PAK3: variants seen among roughly 807,000 people sequenced by gnomAD.
PAK3 encodes the protein serine/threonine-protein kinase PAK 3.
A neutral mutation model predicts 41.0 loss-of-function variants in PAK3; 4 were observed. That is an observed-to-expected ratio of 0.10 (90% CI 0.05 to 0.22). PAK3 has a LOEUF of 0.22. Among genes scored for constraint, PAK3 ranks in the 10% least tolerant of loss-of-function variants. The pLI is 1.00. For missense variants in PAK3, 205 were observed against 409.9 expected (o/e 0.50, Z 4.32); for synonymous variants, 146 against 139.6 (o/e 1.05, Z -0.32).
chrX:111,141,637 C>G (rs1417249055), intron 5 of PAK3, among the ~76,000 whole-genome samples: 1 of 111,818 alleles, frequency 8.9e-6, no homozygotes, highest in East Asian at 2.8e-4. Context: ...TAAATAAGTA[C>G]CAACCACTTG....
chrX:111,109,469 G>GA (rs1411762773), intron 4 of PAK3, among the ~76,000 whole-genome samples: 1 of 111,908 alleles, frequency 8.9e-6, no homozygotes, highest in Non-Finnish European at 1.9e-5. Flanking sequence ...GACGATGAGT[G>GA]AAAAATAGGA....
intron 1 of PAK3, among the ~76,000 whole-genome samples, chrX:111,036,397 TCA>T (rs1339553189): frequency 8.9e-6 from 1 of 112,466 alleles, no homozygotes; most frequent in African/African-American, 3.2e-5. Flanking sequence ...TTTAATTGAC[TCA>T]CAGTTCCACG....
intron 1 of PAK3, among the ~76,000 whole-genome samples, chrX:111,013,562 T>C (rs2092042673): frequency 9.0e-6 from 1 of 111,571 alleles, no homozygotes; most frequent in African/African-American, 3.3e-5. Context: ...GAATTAAATC[T>C]GGTTGCTGCC....
intron 1 of PAK3, among the ~76,000 whole-genome samples, chrX:110,947,471 G>A (rs1238890316): frequency 2.7e-5 from 3 of 111,430 alleles, no homozygotes; most frequent in African/African-American, 9.8e-5. Flanking sequence ...GTTTTTTGAT[G>A]TAGGTTCTAA....
chrX:110,966,249 A>G (rs1041199996), intron 1 of PAK3, among the ~76,000 whole-genome samples: 1 of 111,701 alleles, frequency 9.0e-6, no homozygotes, highest in African/African-American at 3.3e-5. Flanking sequence ...AAAGGAGGGT[A>G]GGACAATTCA....
intron 17 of PAK3, among the ~76,000 whole-genome samples, chrX:111,217,901 A>G (rs998983302): frequency 2.7e-5 from 3 of 112,645 alleles, no homozygotes; most frequent in South Asian, 7.4e-4. Flanking sequence ...ATCCAGATAA[A>G]TGTGGCTATC....
chrX:110,973,746 T>C (rs1160549919), intron 1 of PAK3, among the ~76,000 whole-genome samples: 4 of 111,687 alleles, frequency 3.6e-5, no homozygotes. Context: ...GGCTAAATCC[T>C]CCAATTAAAA....
At chrX:111,048,530 C>T (rs961988198) in intron 1 of PAK3, among the ~76,000 whole-genome samples, 1 of 111,122 alleles carries the variant, frequency 9.0e-6, no homozygotes, top group Non-Finnish European at 1.9e-5. Context: ...GTGCACTTAC[C>T]ACATCTGCAC....
chrX:110,952,959 G>A (rs2090775495), intron 1 of PAK3, among the ~76,000 whole-genome samples: 1 of 111,662 alleles, frequency 9.0e-6, no homozygotes, highest in East Asian at 2.8e-4. Flanking sequence ...ATTTAAAATT[G>A]AAACATCATA....
chrX:111,145,674 A>T (rs1033986882), intron 6 of PAK3, among the ~76,000 whole-genome samples: 2 of 111,427 alleles, frequency 1.8e-5, no homozygotes, highest in African/African-American at 3.3e-5. Context: ...AACCCTAAAT[A>T]CCAGGAATCA....
upstream of PAK3, among the ~76,000 whole-genome samples, chrX:111,095,489 A>C (rs1452729108): frequency 1.8e-5 from 2 of 112,269 alleles, no homozygotes; most frequent in Non-Finnish European, 3.8e-5. Context: ...ATCTGCAAAA[A>C]TTTGAACCGT....
intron 1 of PAK3, among the ~76,000 whole-genome samples, chrX:111,055,034 C>T (rs986555212): frequency 3.6e-5 from 4 of 112,089 alleles, no homozygotes; most frequent in Non-Finnish European, 7.5e-5. Context: ...ATGCATATGT[C>T]ACTTGGCAAA....
chrX:111,025,628 G>T (rs1172437405), intron 1 of PAK3, among the ~76,000 whole-genome samples: 1 of 110,538 alleles, frequency 9.0e-6, no homozygotes, highest in Non-Finnish European at 1.9e-5. Flanking sequence ...ATAACAAGCA[G>T]CGAGATTCAA....
intron 16 of PAK3, among the ~76,000 whole-genome samples, chrX:111,214,000 C>T (rs1320270892): frequency 9.0e-6 from 1 of 111,554 alleles, no homozygotes; most frequent in Non-Finnish European, 1.9e-5. Context: ...CCTGCATTTC[C>T]TGTTCATCAA....
intron 1 of PAK3, among the ~76,000 whole-genome samples, chrX:111,026,725 C>T (rs985204167): frequency 1.8e-5 from 2 of 111,728 alleles, no homozygotes; most frequent in African/African-American, 6.5e-5. Context: ...GTGAAAATGA[C>T]CATACTGCCA....
intron 1 of PAK3, among the ~76,000 whole-genome samples, chrX:111,001,586 A>AT (rs1206787213): frequency 8.9e-6 from 1 of 112,003 alleles, no homozygotes; most frequent in African/African-American, 3.2e-5. Context: ...AATCCAGAAC[A>AT]TTTTTTTGAT....
intron 16 of PAK3, among the ~76,000 whole-genome samples, chrX:111,198,262 C>T (rs1299780810): frequency 1.8e-5 from 2 of 111,877 alleles, no homozygotes; most frequent in Non-Finnish European, 3.8e-5. Flanking sequence ...ATATTTTCTC[C>T]CTTTCTGTAG....
intron 4 of PAK3, among the ~76,000 whole-genome samples, chrX:111,120,758 T>G (rs1238132963): frequency 8.9e-6 from 1 of 112,251 alleles, no homozygotes; most frequent in African/African-American, 3.2e-5. Context: ...CTGCAATAAC[T>G]TTCAAATTTC....
rs1403302304 is a variant in PAK3, at chrX:111,047,969, T to G, written c.-27-75108T>G. Among the ~76,000 whole-genome samples the G allele has an allele frequency of 3.6e-5, 4 of 111,693 alleles. No individual in the cohort carries two copies. The South Asian group carries it at 1.5e-3, about 42-fold the overall frequency. ...CTCTCTTTCTATTTCTCTACAGCCC[T>G]GATAGCACACTGTCTAGAAAAAAAA... On this transcript the variant is annotated intron_variant, in intron 1 of 14. Transcript: ENST00000425146.
Sources: allele counts gnomAD v4.1 joint callset (sites outside exome capture counted in the v4.1 genomes callset), GRCh38; gene constraint gnomAD v4.1.1; transcripts MANE v1.5; gene names NCBI Gene and HGNC (gene_info 2026-07-23, HGNC 2026-07-21).